The following TNRC6A variants were observed in gnomAD, a reference collection of about 807,000 sequenced individuals.
The protein encoded by TNRC6A is trinucleotide repeat-containing gene 6A protein.
A neutral mutation model predicts 221.2 loss-of-function variants in TNRC6A; 44 were observed. The observed-to-expected ratio is 0.20, with a 90% CI of 0.16 to 0.26. The LOEUF (loss-of-function observed/expected upper bound fraction) is 0.26. Among genes scored for constraint, TNRC6A ranks in the 10% least tolerant of loss-of-function variants. TNRC6A has a pLI of 1.00. For missense variants in TNRC6A, 2,199 were observed against 2,404.4 expected (o/e 0.91, Z 1.79); for synonymous variants, 847 against 838.5 (o/e 1.01, Z -0.18).
At position 24,695,041 on chromosome 16, in the gene TNRC6A, G is replaced by A. The variant is rs77833322; in HGVS notation, n.402+54032G>A. Among the ~76,000 whole-genome samples the A allele has an allele frequency of 8.8e-3, 1,340 of 152,256 alleles. 21 individuals are homozygous for A. Among genetic ancestry groups the A allele is most frequent in the African/African-American group, 0.03 (1,262 of 41,556 alleles). On this transcript the variant is annotated intron_variant and non_coding_transcript_variant, in intron 2 of 2. Coordinates refer to the TNRC6A transcript ENST00000566108. The stretch of plus-strand genomic sequence containing the variant: ...TGTTGGGGCCCTGCAGCTTTAATTT[G>A]ATTCAGAAAACCCACATCGGATAAT...
intron 15 of TNRC6A, 117 bp from the exon 16 acceptor site, chr16:24,806,089 A>G (rs1213071819): frequency 6.6e-6 from 7 of 1,064,860 alleles, no homozygotes; most frequent in Non-Finnish European, 9.5e-6. Flanking sequence ...AATGCTAGAC[A>G]TGTTGGCATT....
chr16:24,774,999 A>G lies in TNRC6A; in HGVS notation c.164-1934A>G, dbSNP rs188406586. Among the ~76,000 whole-genome samples, 4 of 152,072 alleles carry G rather than the reference A, an allele frequency of 2.6e-5. No homozygotes were observed. The East Asian group carries it at 7.7e-4, about 29-fold the overall frequency. On this transcript the variant is annotated intron_variant, in intron 4 of 24. Transcript: ENST00000395799. ...TTTGTTTGCTTAGTATTTTTGATCC[A>G]TGGTTGGTTGAATCTGTGGGTGGGG...
chr16:24,763,103 A>G (rs1361386871), intron 4 of TNRC6A, among the ~76,000 whole-genome samples: 1 of 152,156 alleles, frequency 6.6e-6, no homozygotes, highest in Non-Finnish European at 1.5e-5. Flanking sequence ...GTTGATGAAA[A>G]TGAACAAGAG....
intron 4 of TNRC6A, among the ~76,000 whole-genome samples, chr16:24,762,901 T>C (rs2057393237): frequency 6.6e-6 from 1 of 152,150 alleles, no homozygotes; most frequent in South Asian, 2.1e-4. Flanking sequence ...CTGAATAAAC[T>C]AAAACAACTC....
intron 2 of TNRC6A, among the ~76,000 whole-genome samples, chr16:24,664,522 A>G (rs1332154865): frequency 2.8e-5 from 4 of 143,266 alleles, no homozygotes; most frequent in Non-Finnish European, 6.1e-5. Flanking sequence ...TATATAATAA[A>G]TATAATATAT....
chr16:24,757,494 G>C (rs867547268), intron 3 of TNRC6A, among the ~76,000 whole-genome samples: 1 of 152,042 alleles, frequency 6.6e-6, no homozygotes, highest in Non-Finnish European at 1.5e-5. Flanking sequence ...TCCTGTTCTT[G>C]TATCTGTTAT....
intron 15 of TNRC6A, 126 bp from the exon 16 acceptor site, chr16:24,806,080 A>G (rs1246825238): frequency 7.1e-6 from 7 of 990,876 alleles, no homozygotes; most frequent in Non-Finnish European, 1.0e-5. Flanking sequence ...GTACTAGATA[A>G]TGCTAGACAT....
chr16:24,693,770 TG>T (rs911046922), intron 2 of TNRC6A, among the ~76,000 whole-genome samples: 10 of 151,702 alleles, frequency 6.6e-5, no homozygotes, highest in Non-Finnish European at 1.2e-4. Context: ...TATGGTAGCA[TG>T]TGCCTATAGT....
intron 8 of TNRC6A, among the ~76,000 whole-genome samples, chr16:24,795,288 G>C (rs535905200): frequency 6.6e-6 from 1 of 152,230 alleles, no homozygotes; most frequent in East Asian, 1.9e-4. Context: ...GCAGCTTCCT[G>C]TACCTCAGGT....
intron 1 of TNRC6A, among the ~76,000 whole-genome samples, chr16:24,638,396 G>A (rs1311522636): frequency 2.0e-5 from 3 of 151,634 alleles, no homozygotes; most frequent in East Asian, 3.9e-4. Flanking sequence ...CAACCTGGGT[G>A]ACAAAGCAAG....
intron 4 of TNRC6A, among the ~76,000 whole-genome samples, chr16:24,768,935 C>T (rs1211953161): frequency 1.3e-5 from 2 of 152,172 alleles, no homozygotes; most frequent in African/African-American, 4.8e-5. Context: ...GGCTGGTCCA[C>T]ATTTAACTTC....
intron 2 of TNRC6A, among the ~76,000 whole-genome samples, chr16:24,709,539 T>C (rs1343995133): frequency 3.3e-5 from 5 of 152,048 alleles, no homozygotes; most frequent in Non-Finnish European, 7.4e-5. Context: ...AAAATGTTTA[T>C]ATTGGCCAGG....
Position 24,631,866 on chromosome 16 carries a change from GT to G in TNRC6A, n.277-9008del, listed in dbSNP as rs1200927103. 2.3e-3 allele frequency among the ~76,000 whole-genome samples: 345 copies of G among 147,792 alleles called. 1 individual carries two copies. Among genetic ancestry groups the G allele is most frequent in the African/African-American group, 7.2e-3 (291 of 40,522 alleles). On this transcript the variant is annotated intron_variant and non_coding_transcript_variant, in intron 1 of 2. Transcript: ENST00000566108. Reference sequence around the variant, plus strand: ...TTAAGTTCTTTTCTTGTTTGTTTGAGTTTTTTTTTTGGAACAGGGTCTCACT... The same window carrying G: ...TTAAGTTCTTTTCTTGTTTGTTTGAGTTTTTTTTTGGAACAGGGTCTCACT...
intron 2 of TNRC6A, among the ~76,000 whole-genome samples, chr16:24,716,955 C>CAAAAAA (rs141168433): frequency 2.7e-5 from 2 of 75,144 alleles, no homozygotes; most frequent in African/African-American, 9.9e-5. Context: ...GACTCCATCT[C>CAAAAAA]AAAAAAAAAA....
chr16:24,666,206 T>C (rs1180439200), intron 2 of TNRC6A, among the ~76,000 whole-genome samples: 1 of 151,994 alleles, frequency 6.6e-6, no homozygotes, highest in Non-Finnish European at 1.5e-5. Flanking sequence ...CAGTGGCTCA[T>C]GCCTGTAATC....
chr16:24,765,599 A>T (rs538815539), intron 4 of TNRC6A, among the ~76,000 whole-genome samples: 1 of 152,224 alleles, frequency 6.6e-6, no homozygotes, highest in South Asian at 2.1e-4. Flanking sequence ...ATGTGCACTA[A>T]CCTCTTTAAA....
At chr16:24,641,307 C>T (rs1567317974) in intron 2 of TNRC6A, among the ~76,000 whole-genome samples, 2 of 152,156 alleles carry the variant, frequency 1.3e-5, no homozygotes, top group African/African-American at 2.4e-5. Context: ...CATTCTGCGA[C>T]CCATGCTCTT....
At chr16:24,758,497 C>A in intron 4 of TNRC6A, 137 bp downstream of exon 4, 1 of 863,238 alleles carries the variant, frequency 1.2e-6, no homozygotes, top group Non-Finnish European at 1.8e-6. Context: ...CAGTAACATA[C>A]CCTGGGGTCG....
intron 2 of TNRC6A, among the ~76,000 whole-genome samples, chr16:24,740,657 C>T (rs749424394): frequency 8.6e-5 from 13 of 151,992 alleles, no homozygotes; most frequent in Non-Finnish European, 1.5e-4. Context: ...TTGTGAAACA[C>T]GTAAAATTTA....
Sources: allele counts gnomAD v4.1 joint callset (sites outside exome capture counted in the v4.1 genomes callset), GRCh38; gene constraint gnomAD v4.1.1; transcripts MANE v1.5; gene names NCBI Gene and HGNC (gene_info 2026-07-23, HGNC 2026-07-21).